Variants in LTBP2 observed in about 807,000 individuals in gnomAD.
LTBP2 encodes the protein latent transforming growth factor beta binding protein 2.
A neutral mutation model predicts 210.6 loss-of-function variants in LTBP2; 103 were observed. The observed-to-expected ratio is 0.49, with a 90% CI of 0.42 to 0.58. The LOEUF (loss-of-function observed/expected upper bound fraction) is 0.58. Ranked by LOEUF, LTBP2 falls within the 20% of genes least tolerant of loss-of-function variation. The probability of loss-of-function intolerance (pLI) is 0.00; values close to 1 mark genes in which losing one functional copy is unlikely to be tolerated. For synonymous variants in LTBP2, 1,007 were observed against 1,015.0 expected, an observed-to-expected ratio of 0.99 and a Z score of 0.15; for missense variants, 2,313 against 2,494.5, an observed-to-expected ratio of 0.93 and a Z score of 1.55.
rs1008460712 is a variant in LTBP2, at chr14:74,585,985, C to A, written c.699G>T (p.Arg233Ser). Residue 233 changes from arginine to serine, a missense_variant, in exon 3 of 36, where the codon AGG becomes AGT. Physicochemically the swap from Arg to Ser is moderately radical, Grantham distance 110. Coordinates refer to ENST00000261978, the MANE Select transcript of LTBP2 (RefSeq NM_000428.3). ...PDEEFDPQNS[R>S]LAPRRWAERS... ...GCTCGGCCCAGCGTCGAGGTGCCAG[C>A]CTGGAGTTCTGGGGGTCAAATTCCT... 6.2e-7 allele frequency: 1 copy of A among 1,612,352 alleles called. No homozygotes were observed. The highest frequency in any genetic ancestry group is 1.3e-5 in the African/African-American group (1 of 74,920).
intron 10 of LTBP2, among the ~76,000 whole-genome samples, chr14:74,530,712 A>C (rs959135595): frequency 6.6e-6 from 1 of 152,164 alleles, no homozygotes; most frequent in Non-Finnish European, 1.5e-5. Flanking sequence ...ACAGGGTCTC[A>C]CCATGTTGCC....
chr14:74,499,741 A>AAAAC lies in LTBP2; in HGVS notation c.*1139_*1142dup, dbSNP rs2139683049. On this transcript the variant is annotated 3_prime_UTR_variant, in exon 36 of 36. Transcript: ENST00000261978. ...AAGAAATTTAATCTGATATGAAATAAAAACAACAGAAGAGACCAGATGCAC... is the reference window on the plus strand; with the variant it reads ...AAGAAATTTAATCTGATATGAAATAAAAACAAACAACAGAAGAGACCAGATGCAC... The AAAAC allele has an allele frequency of 4.4e-6, 1 of 227,162 alleles. No individual in the cohort carries two copies. The highest frequency in any genetic ancestry group is 2.2e-5 in the African/African-American group (1 of 45,124). 14.1% of individuals were successfully genotyped at this position (227,162 alleles called of 1,614,324 possible). A position where few individuals can be genotyped will look rare whatever the true frequency, so the allele number is the denominator to read the frequency against.
rs199608037 is a variant in LTBP2 at position 74,551,092 on chromosome 14, C to T, written c.1658G>A (p.Arg553Gln). ...TCCGTTCACAGTGTTCAGGTAACAC[C>T]GGCCCAGCAGTCCTCGAGGCCTGGG... ...AAPRPRGLLG[R>Q]CYLNTVNGQC... is the part of the protein sequence containing the mutation. Residue 553 changes from arginine to glutamine, a missense_variant, in exon 7 of 36, where the codon CGG becomes CAG. This residue lies in a region of LTBP2 where 1,867 missense variants were observed against 1,976.9 expected (regional missense o/e 0.94). Coordinates refer to ENST00000261978, the MANE Select transcript of LTBP2 (RefSeq NM_000428.3). 37 of 1,613,640 alleles carry T rather than the reference C, an allele frequency of 2.3e-5. No homozygotes were observed. The highest frequency in any genetic ancestry group is 5.0e-5 in the Admixed American group (3 of 60,010).
intron 3 of LTBP2, among the ~76,000 whole-genome samples, chr14:74,567,727 C>T (rs920833940): frequency 6.6e-6 from 1 of 152,094 alleles, no homozygotes; most frequent in African/African-American, 2.4e-5. Flanking sequence ...GTCGTCACAG[C>T]GCTGGGCACA....
intron 1 of LTBP2, among the ~76,000 whole-genome samples, chr14:74,604,166 A>T (rs1434266658): frequency 6.8e-6 from 1 of 146,620 alleles, no homozygotes; most frequent in Non-Finnish European, 1.5e-5. Flanking sequence ...CCTCTCACCA[A>T]AAAAAAAAAA....
intron 25 of LTBP2, 147 bp downstream of exon 25, chr14:74,507,826 C>T (rs1386214893): frequency 5.6e-6 from 6 of 1,065,760 alleles, no homozygotes; most frequent in Non-Finnish European, 5.5e-6. Flanking sequence ...CCTTGGACAG[C>T]CCCTGAGCCC....
At chr14:74,552,013 C>CT (rs1242443291) in intron 6 of LTBP2, among the ~76,000 whole-genome samples, 174 bp downstream of exon 6, 1 of 151,984 alleles carries the variant, frequency 6.6e-6, no homozygotes, top group Non-Finnish European at 1.5e-5. Flanking sequence ...TGGGAGGGGG[C>CT]TGAGAAGTTG....
intron 3 of LTBP2, among the ~76,000 whole-genome samples, chr14:74,569,176 CAGGGAGGG>C (rs1210332263): frequency 3.2e-4 from 30 of 92,510 alleles, no homozygotes; most frequent in African/African-American, 4.7e-4. Flanking sequence ...AGAAGGGAAG[CAGGGAGGG>C]AGGGAGGGAG....
In LTBP2 at chr14:74,498,246, T is replaced by C. The variant is rs187434507; in HGVS notation, c.*2638A>G. On this transcript the variant is annotated 3_prime_UTR_variant, in exon 36 of 36. Coordinates refer to ENST00000261978, the MANE Select transcript of LTBP2 (RefSeq NM_000428.3). ...ACATATGGTACAAAATTCAAAAAAA[T>C]ACAAAAGGAGATACAGTGAAAAGTC... The C allele has an allele frequency of 1.1e-5, 2 of 180,566 alleles. No homozygotes were observed. The highest frequency in any genetic ancestry group is 2.4e-5 in the African/African-American group (1 of 42,474). The allele number at this position is 180,566 out of a possible 1,614,324, so 11.2% of individuals were successfully genotyped here.
chr14:74,503,261 C>T lies in LTBP2; in HGVS notation c.4846G>A (p.Ala1616Thr), dbSNP rs1294448520. 6.2e-7 allele frequency: 1 copy of T among 1,614,078 alleles called. No homozygotes were observed. Among genetic ancestry groups the T allele is most frequent in the Admixed American group, 1.7e-5 (1 of 60,038 alleles). Residue 1616 changes from alanine (A) to threonine (T), a missense_variant, in exon 33 of 36, where the codon GCC becomes ACC. Ala to Thr is a moderately conservative substitution (Grantham distance 58). Transcript: ENST00000261978. ...YTECCCQDGEAWSQQCALCPP... is the reference protein window; with the variant it reads ...YTECCCQDGETWSQQCALCPP... ...CACAGAGCACACTGCTGGCTCCAGG[C>T]CTCGCCGTCCTGGCAGCAGCATTCC...
At chr14:74,547,871 C>T (rs963365521) in intron 8 of LTBP2, among the ~76,000 whole-genome samples, 1 of 152,118 alleles carries the variant, frequency 6.6e-6, no homozygotes, top group African/African-American at 2.4e-5. Context: ...AGCCCTGGCC[C>T]CACCTAACCC....
intron 2 of LTBP2, among the ~76,000 whole-genome samples, chr14:74,588,128 C>A (rs2088233492): frequency 6.6e-6 from 1 of 152,236 alleles, no homozygotes; most frequent in Admixed American, 6.5e-5. Context: ...CAGCTGCTCC[C>A]TCCTTTGATT....
In LTBP2 at chr14:74,506,876, TGTGC is replaced by T. The variant is rs1323836509; in HGVS notation, c.3908-57_3908-54del. ...GGATGTGTGTGTGTGTGTGTGTGTG[TGTGC>T]GCGCGCGCGTGTGTGCTCACTCTCT... On this transcript the variant is annotated intron_variant, in intron 26 of 35. Transcript: ENST00000261978. 3.8e-3 allele frequency: 4,988 copies of T among 1,304,768 alleles called. 1 individual carries two copies. Among genetic ancestry groups the T allele is most frequent in the East Asian group, 0.011 (416 of 39,332 alleles). The allele number at this position is 1,304,768 out of a possible 1,614,324, so 80.8% of individuals were successfully genotyped here.
intron 28 of LTBP2, 92 bp from the exon 29 acceptor site, chr14:74,505,266 G>A: frequency 1.4e-6 from 2 of 1,425,082 alleles, no homozygotes; most frequent in Admixed American, 1.9e-5. Context: ...TAACATTTGT[G>A]TAGCACTTTA....
Position 74,586,014 on chromosome 14 carries a change from C to G in LTBP2, c.670G>C (p.Asp224His). The G allele has an allele frequency of 6.2e-7, 1 of 1,608,276 alleles. No homozygotes were observed. The highest frequency in any genetic ancestry group is 1.1e-5 in the South Asian group (1 of 90,054). ...GAGTTCTGGGGGTCAAATTCCTCAT[C>G]GGGAATGACCTCCTCGCAGCGGGCT... ...RGARCEEVIP[D>H]EEFDPQNSRL... is the part of the protein sequence containing the mutation. The change falls in exon 3 of 36, where the codon GAT becomes CAT. Residue 224 changes from aspartate (D) to histidine (H), a missense_variant. By Grantham distance (81) the Asp-to-His change is moderately conservative (BLOSUM62 -1). Around this residue, in one of 3 missense-constraint regions of LTBP2, gnomAD observed 1,867 missense variants for 1,976.9 expected, o/e 0.94. Transcript: ENST00000261978. This position sits in a 1 kb window ranked among gnomAD's most constrained non-coding sequence, Gnocchi z 4.6.
chr14:74,537,541 G>A (rs1358181128), intron 8 of LTBP2, among the ~76,000 whole-genome samples: 1 of 152,136 alleles, frequency 6.6e-6, no homozygotes, highest in Admixed American at 6.5e-5. Context: ...ACTCCTTTGT[G>A]GCAATAGCTT....
chr14:74,506,422 C>T (rs2086985814), intron 27 of LTBP2, among the ~76,000 whole-genome samples: 2 of 152,160 alleles, frequency 1.3e-5, no homozygotes. Context: ...GAAGGGTTAC[C>T]CCTCAGTGCA....
rs772619367 is a variant in LTBP2, at chr14:74,511,398, T to C, written c.2909-34A>G. The C allele has an allele frequency of 5.0e-6, 8 of 1,613,248 alleles. No homozygotes were observed. The East Asian group carries it at 6.7e-5, about 13-fold the overall frequency. On this transcript the variant is annotated intron_variant, in intron 18 of 35. Coordinates refer to ENST00000261978, the MANE Select transcript of LTBP2 (RefSeq NM_000428.3). ...CAGCAGCCCCTCCCTTGGTCATCCC[T>C]GGGAACATAGCAAATGGGTAGGTCT...
At chr14:74,559,147 CAAGCAAAT>C (rs1252671826) in intron 3 of LTBP2, among the ~76,000 whole-genome samples, 1 of 152,122 alleles carries the variant, frequency 6.6e-6, no homozygotes, top group Non-Finnish European at 1.5e-5. Context: ...TACATCTCCC[CAAGCAAAT>C]AAGAAAACAT....
Sources: allele counts gnomAD v4.1 joint callset (sites outside exome capture counted in the v4.1 genomes callset), GRCh38; gene constraint gnomAD v4.1.1; regional missense constraint gnomAD v4.1.1; non-coding constraint Gnocchi (gnomAD v3.1); transcripts MANE v1.5; gene names NCBI Gene and HGNC (gene_info 2026-07-23, HGNC 2026-07-21).